Variants in MUC22 observed in about 807,000 individuals in gnomAD.
MUC22 encodes the protein mucin 22, also known as mucin-22.
A neutral mutation model predicts 40.3 loss-of-function variants in MUC22; 24 were observed. The ratio of observed to expected loss-of-function variants is 0.60; its 90% CI spans 0.43 to 0.84. MUC22 has a LOEUF of 0.84. MUC22 is among the 40% of genes least tolerant of loss of function. The probability of loss-of-function intolerance (pLI) is 0.00; values close to 1 mark genes in which losing one functional copy is unlikely to be tolerated. For synonymous variants in MUC22, 765 were observed against 844.5 expected, an observed-to-expected ratio of 0.91 and a Z score of 1.63; for missense variants, 1,926 against 2,130.7, an observed-to-expected ratio of 0.90 and a Z score of 1.89.
chr6:31,021,920 C>T (rs1019713098), intron 1 of MUC22, among the ~76,000 whole-genome samples: 3 of 152,140 alleles, frequency 2.0e-5, no homozygotes, highest in Non-Finnish European at 4.4e-5. Context: ...CTTTTTGGGT[C>T]TACACTGTTT....
chr6:31,027,441 T>C (rs769012414), exon 2 of MUC22: 2 of 1,530,908 alleles, frequency 1.3e-6, no homozygotes, highest in South Asian at 1.2e-5. Context: ...CCACCTGTAC[T>C]GAAGGCTCTG....
chr6:31,010,363 G>T, upstream of MUC22: 1 of 261,916 alleles, frequency 3.8e-6, no homozygotes, highest in Non-Finnish European at 7.4e-6. Context: ...TCTCCAAACG[G>T]CCCTGCAGAA....
intron 1 of MUC22, among the ~76,000 whole-genome samples, chr6:31,016,572 T>C (rs1764217063): frequency 6.6e-6 from 1 of 152,238 alleles, no homozygotes; most frequent in Non-Finnish European, 1.5e-5. Flanking sequence ...GGTTTTACAT[T>C]TCAGGGTGTA....
At chr6:31,025,663 G>A (rs115194949) in exon 2 of MUC22, 73,092 of 1,534,158 alleles carry the variant, frequency 0.048, 2,254 homozygotes, top group Middle Eastern at 0.092. Context: ...GACAACCTCA[G>A]CCTCCACCAT....
At chr6:31,022,391 T>G (rs778030556) in intron 1 of MUC22, among the ~76,000 whole-genome samples, 9 of 152,100 alleles carry the variant, frequency 5.9e-5, no homozygotes, top group Non-Finnish European at 1.3e-4. Flanking sequence ...ATCGAACTCC[T>G]GGTGATCTGC....
exon 2 of MUC22, chr6:31,029,585 C>T (rs1184470182): frequency 5.9e-6 from 9 of 1,534,356 alleles, no homozygotes; most frequent in Non-Finnish European, 7.0e-6. Context: ...AGCTCTGAGA[C>T]CACCACAGCC....
intron 1 of MUC22, among the ~76,000 whole-genome samples, chr6:31,020,731 C>A (rs142803174): frequency 3.3e-5 from 5 of 152,246 alleles, no homozygotes; most frequent in African/African-American, 1.2e-4. Flanking sequence ...GGGAGAGGTG[C>A]GAGCGGGAAC....
At chr6:31,016,132 CTTT>C (rs28993413) in intron 1 of MUC22, among the ~76,000 whole-genome samples, 17,423 of 139,490 alleles carry the variant, frequency 0.12, 1,187 homozygotes, top group East Asian at 0.33. Flanking sequence ...GCATCTCTTA[CTTT>C]TTTTTTTTTT....
At chr6:31,008,715 A>ATTTATT (rs1292561979), upstream of MUC22, among the ~76,000 whole-genome samples, 8 of 151,582 alleles carry the variant, frequency 5.3e-5, no homozygotes, top group Admixed American at 2.0e-4. Context: ...CGCCCAGCTA[A>ATTTATT]TTTATTTTTA....
Position 31,032,467 on chromosome 6 carries a change from A to G in MUC22, c.4941A>G (p.Thr1647=). The change falls in exon 3 of 4, where the codon ACA becomes ACG. Residue 1647 remains threonine, a synonymous_variant. Transcript: ENST00000561890. This position sits in a 1 kb window ranked among gnomAD's most constrained non-coding sequence, Gnocchi z 4.1. ...CAAACACAGTTAGCATGAGCCACAC[A>G]CCCACAAACGTGATCAAACCAAGTG... 6.5e-7 allele frequency: 1 copy of G among 1,535,626 alleles called. No individual in the cohort carries two copies. Among genetic ancestry groups the G allele is most frequent in the Non-Finnish European group, 8.7e-7 (1 of 1,146,898 alleles).
intron 1 of MUC22, among the ~76,000 whole-genome samples, chr6:31,021,903 C>T (rs537373680): frequency 2.4e-4 from 36 of 152,210 alleles, no homozygotes; most frequent in African/African-American, 7.9e-4. Context: ...GATTTTGCTA[C>T]TGCTCACTTT....
chr6:31,016,287 A>G lies in MUC22; in HGVS notation c.70+5511A>G, dbSNP rs979773734. On this transcript the variant is annotated intron_variant, in intron 1 of 3. Coordinates refer to ENST00000561890, the Ensembl canonical transcript of MUC22. Reference sequence around the variant, plus strand: ...ATTTCAAGCTAGAGATTTTTCTCAAATATCTGGTAATCCCAGAATGTCCTT... The same window carrying G: ...ATTTCAAGCTAGAGATTTTTCTCAAGTATCTGGTAATCCCAGAATGTCCTT... 3.3e-5 allele frequency among the ~76,000 whole-genome samples: 5 copies of G among 152,150 alleles called. No homozygotes were observed. The East Asian group carries it at 9.6e-4, about 29-fold the overall frequency.
upstream of MUC22, among the ~76,000 whole-genome samples, chr6:31,006,574 T>C (rs926327710): frequency 6.6e-6 from 1 of 152,156 alleles, no homozygotes; most frequent in African/African-American, 2.4e-5. Context: ...GTGGGGAGGT[T>C]GTGCTTGCGT....
chr6:31,021,607 C>T (rs9262525), intron 1 of MUC22, among the ~76,000 whole-genome samples: 25,684 of 148,676 alleles, frequency 0.17, 3,538 homozygotes, highest in African/African-American at 0.24. Context: ...GTGCACCAAT[C>T]GACACTCTGT....
At chr6:31,009,385 C>T (rs1398011917), upstream of MUC22, among the ~76,000 whole-genome samples, 1 of 152,158 alleles carries the variant, frequency 6.6e-6, no homozygotes, top group East Asian at 1.9e-4. Context: ...AATCTTAACA[C>T]ATGCATACAC....
chr6:31,027,248 C>T lies in MUC22; in HGVS notation c.1817C>T (p.Thr606Ile), dbSNP rs1274116848. The change falls in exon 2 of 4, where the codon ACC (threonine) becomes ATC (isoleucine). Residue 606 changes from threonine (T) to isoleucine (I), a missense_variant. Transcript: ENST00000561890. ...GTCTCTACCACAGGCTCTGAGACCA[C>T]CACAGCCTCCATCATGGGCTCTGAG... is the stretch of plus-strand genomic sequence containing the variant. 140 of 1,438,482 alleles carry T rather than the reference C, an allele frequency of 9.7e-5. 19 individuals carry two copies. Among genetic ancestry groups the T allele is most frequent in the Non-Finnish European group, 1.1e-4 (120 of 1,087,156 alleles). 89.1% of individuals were successfully genotyped at this position (1,438,482 alleles called of 1,614,324 possible). A position where few individuals can be genotyped will look rare whatever the true frequency, so the allele number is the denominator to read the frequency against.
intron 2 of MUC22, among the ~76,000 whole-genome samples, chr6:31,030,474 G>T (rs950401779): frequency 9.6e-5 from 14 of 145,832 alleles, no homozygotes; most frequent in African/African-American, 2.8e-4. Flanking sequence ...CAGAGATCGC[G>T]CCATTGCATT....
At chr6:31,027,814 A>G in exon 2 of MUC22, 3 of 1,534,918 alleles carry the variant, frequency 2.0e-6, no homozygotes, top group Non-Finnish European at 2.6e-6. Flanking sequence ...AGGCTCTGAG[A>G]CCACTACAGT....
At chr6:31,026,096 G>A in exon 2 of MUC22, 1 of 1,530,202 alleles carries the variant, frequency 6.5e-7, no homozygotes. Context: ...TCTACTGCAG[G>A]TTCTGAGACC....
Sources: allele counts gnomAD v4.1 joint callset (sites outside exome capture counted in the v4.1 genomes callset), GRCh38; gene constraint gnomAD v4.1.1; non-coding constraint Gnocchi (gnomAD v3.1); transcripts MANE v1.5; gene names NCBI Gene and HGNC (gene_info 2026-07-23, HGNC 2026-07-21).